Variants in PPCDC observed in about 807,000 individuals in gnomAD.
The protein encoded by PPCDC is phosphopantothenoylcysteine decarboxylase.
A neutral mutation model predicts 20.7 loss-of-function variants in PPCDC; 20 were observed. The ratio of observed to expected loss-of-function variants is 0.97; its 90% CI spans 0.68 to 1.41. The LOEUF (loss-of-function observed/expected upper bound fraction) is 1.41, where lower values mean the gene tolerates loss of function less well. PPCDC is among the 40% of genes most tolerant of loss of function. The probability of loss-of-function intolerance (pLI) is 0.00; values close to 1 mark genes in which losing one functional copy is unlikely to be tolerated. For synonymous variants in PPCDC, 88 were observed against 100.3 expected, an observed-to-expected ratio of 0.88 and a Z score of 0.73; for missense variants, 246 against 263.8, an observed-to-expected ratio of 0.93 and a Z score of 0.47.
In PPCDC at chr15:75,048,749, A is replaced by G. The variant is rs780249739; in HGVS notation, c.529+28A>G. 6.2e-6 allele frequency: 10 copies of G among 1,609,726 alleles called. No homozygotes were observed. The Admixed American group carries it at 1.7e-4, about 27-fold the overall frequency. On this transcript the variant is annotated intron_variant, in intron 5 of 5. Coordinates refer to ENST00000342932, the MANE Select transcript of PPCDC (RefSeq NM_021823.5). The stretch of plus-strand genomic sequence containing the variant: ...GGGTGTCTTGCCAGGCTTATAGCCC[A>G]GGGCTGTAGAAGGGGCTCAGCTTTG...
intron 1 of PPCDC, among the ~76,000 whole-genome samples, chr15:75,023,918 G>A (rs2065933261): frequency 6.6e-6 from 1 of 152,166 alleles, no homozygotes; most frequent in Non-Finnish European, 1.5e-5. Context: ...GCTGCTCTGC[G>A]ATTATTTGTC....
At chr15:75,044,596 AC>A in intron 4 of PPCDC, 82 bp downstream of exon 4, 2 of 1,534,076 alleles carry the variant, frequency 1.3e-6, no homozygotes, top group Non-Finnish European at 1.8e-6. Flanking sequence ...GTACAAGGAG[AC>A]CTGCTGCTGT....
Position 75,048,565 on chromosome 15 carries a change from C to T in PPCDC, c.373C>T (p.Arg125Trp), listed in dbSNP as rs777408463. The change falls in exon 5 of 6, where the codon CGG becomes TGG. Residue 125 changes from arginine (R) to tryptophan (W), a missense_variant. Transcript: ENST00000342932. ...ICDNLLTCVM[R>W]AWDRSKPLLF... ...GCCTTCTTCACAGACCTGCGTCATG[C>T]GGGCCTGGGACCGCAGCAAGCCCCT... 1.3e-5 allele frequency: 21 copies of T among 1,613,628 alleles called. No individual in the cohort carries two copies. Among genetic ancestry groups the T allele is most frequent in the East Asian group, 4.5e-5 (2 of 44,896 alleles).
At chr15:75,023,857 C>T (rs1246238517) in intron 1 of PPCDC, among the ~76,000 whole-genome samples, 3 of 152,188 alleles carry the variant, frequency 2.0e-5, no homozygotes, top group African/African-American at 7.2e-5. Context: ...GGAGGGACCC[C>T]CGAGCCCTGA....
intron 1 of PPCDC, among the ~76,000 whole-genome samples, chr15:75,025,260 G>T (rs541730225): frequency 2.9e-4 from 44 of 152,282 alleles, no homozygotes; most frequent in African/African-American, 8.9e-4. Context: ...AAGGATTCAG[G>T]CTCATAATGG....
At chr15:75,029,973 AG>A (rs1426853103) in intron 2 of PPCDC, among the ~76,000 whole-genome samples, 1 of 152,008 alleles carries the variant, frequency 6.6e-6, no homozygotes, top group Non-Finnish European at 1.5e-5. Flanking sequence ...GTTTGGTGGG[AG>A]GGGGGTTGTG....
At chr15:75,040,532 C>T (rs200630436) in intron 2 of PPCDC, among the ~76,000 whole-genome samples, 1 of 152,092 alleles carries the variant, frequency 6.6e-6, no homozygotes, top group South Asian at 2.1e-4. Context: ...ATGGATTAAA[C>T]AATATCCAAG....
intron 4 of PPCDC, among the ~76,000 whole-genome samples, chr15:75,048,332 C>T (rs1300066494): frequency 6.6e-6 from 1 of 152,176 alleles, no homozygotes; most frequent in African/African-American, 2.4e-5. Context: ...GTTGGTTGAG[C>T]ACCTCCTGTT....
At chr15:75,036,247 G>A (rs2066083665) in intron 2 of PPCDC, among the ~76,000 whole-genome samples, 1 of 152,128 alleles carries the variant, frequency 6.6e-6, no homozygotes, top group Non-Finnish European at 1.5e-5. Context: ...GATAACACAT[G>A]GTTTTATTTA....
chr15:75,043,539 C>A lies in PPCDC; in HGVS notation c.231+3C>A. The A allele has an allele frequency of 6.2e-7, 1 of 1,604,364 alleles. No homozygotes were observed. The highest frequency in any genetic ancestry group is 1.7e-5 in the Admixed American group (1 of 58,974). The stretch of plus-strand genomic sequence containing the variant: ...ACAGCGACGCTGATGAATGGGAGGT[C>A]AGTGCTGGGGCCCCTGGGCTGAGTT... On this transcript the variant is annotated splice_donor_region_variant and intron_variant, in intron 3 of 5. Transcript: ENST00000342932.
rs1442353942 is a variant in PPCDC at position 75,034,928 on chromosome 15, A to G, written c.135+6475A>G. ...GTATATGCCAGAGCTGTGCTATCTGATATATTTAAATTTTCTTGTATATTC... is the reference window on the plus strand; with the variant it reads ...GTATATGCCAGAGCTGTGCTATCTGGTATATTTAAATTTTCTTGTATATTC... On this transcript the variant is annotated intron_variant, in intron 2 of 5. Transcript: ENST00000342932. Among the ~76,000 whole-genome samples the G allele has an allele frequency of 2.6e-5, 4 of 152,066 alleles. No homozygotes were observed. In the East Asian group the frequency reaches 7.7e-4, roughly 29 times the overall value.
At chr15:75,041,243 C>T (rs1258874856) in intron 2 of PPCDC, among the ~76,000 whole-genome samples, 2 of 152,190 alleles carry the variant, frequency 1.3e-5, no homozygotes, top group Non-Finnish European at 2.9e-5. Flanking sequence ...AGGGATAATG[C>T]AGCCCTGCTC....
chr15:75,048,462 C>A, intron 4 of PPCDC, 91 bp from the exon 5 acceptor site: 1 of 1,523,438 alleles, frequency 6.6e-7, no homozygotes, highest in Non-Finnish European at 8.8e-7. Context: ...CTCAAGCCTA[C>A]AGCTGGGCTG....
chr15:75,031,208 C>A (rs2066016975), intron 2 of PPCDC, among the ~76,000 whole-genome samples: 1 of 152,132 alleles, frequency 6.6e-6, no homozygotes, highest in Non-Finnish European at 1.5e-5. Context: ...GACTAGGACC[C>A]AAAGGCAGCC....
chr15:75,036,588 G>C (rs146444895), intron 2 of PPCDC, among the ~76,000 whole-genome samples: 306 of 152,242 alleles, frequency 2.0e-3, no homozygotes, highest in African/African-American at 7.1e-3. Flanking sequence ...AGGGTGGCTA[G>C]AGAGTGGAGC....
At chr15:75,026,737 G>C (rs879471431) in intron 1 of PPCDC, among the ~76,000 whole-genome samples, 1 of 152,160 alleles carries the variant, frequency 6.6e-6, no homozygotes, top group Non-Finnish European at 1.5e-5. Context: ...TCTTTTTTGA[G>C]TGCATCTTCT....
intron 2 of PPCDC, among the ~76,000 whole-genome samples, chr15:75,032,646 G>C (rs190345243): frequency 1.0e-3 from 158 of 151,952 alleles, no homozygotes; most frequent in African/African-American, 3.8e-3. Context: ...AGAAAAATGG[G>C]GTGGCTCTCT....
chr15:75,034,371 C>T (rs2066060803), intron 2 of PPCDC, among the ~76,000 whole-genome samples: 1 of 152,116 alleles, frequency 6.6e-6, no homozygotes, highest in African/African-American at 2.4e-5. Context: ...TTAGACTGAG[C>T]CCTAGGAGAG....
At chr15:75,041,988 A>C (rs2066158461) in intron 2 of PPCDC, among the ~76,000 whole-genome samples, 1 of 152,254 alleles carries the variant, frequency 6.6e-6, no homozygotes, top group Admixed American at 6.5e-5. Flanking sequence ...CGTCGCTCTC[A>C]CGTAGGAATG....
Sources: gnomAD v4.1 joint callset for allele counts (sites outside exome capture counted in the v4.1 genomes callset) on GRCh38, gnomAD v4.1.1 for gene constraint, MANE v1.5 for transcripts, NCBI Gene and HGNC (gene_info 2026-07-23, HGNC 2026-07-21) for gene names.